ANKRD28: variants seen among roughly 807,000 people sequenced by gnomAD.
ANKRD28 encodes the protein ankyrin repeat domain 28.
Under a neutral mutation model 126.5 loss-of-function variants are expected in ANKRD28, and 44 were observed. The observed-to-expected ratio is 0.35, with a 90% CI of 0.27 to 0.45. The LOEUF is 0.45. Ranked by LOEUF, ANKRD28 falls within the 20% of genes least tolerant of loss-of-function variation. The pLI, the probability that ANKRD28 is intolerant of heterozygous loss-of-function variation, is 1.00. For synonymous variants in ANKRD28, 442 were observed against 468.5 expected (o/e 0.94, Z 0.73); for missense variants, 1,110 against 1,316.6 (o/e 0.84, Z 2.43).
chr3:15,855,292 T>G (rs1397741715), intron 1 of ANKRD28, among the ~76,000 whole-genome samples: 2 of 152,054 alleles, frequency 1.3e-5, no homozygotes, highest in Non-Finnish European at 2.9e-5. Context: ...GTTACTCACA[T>G]CCATCCAACA....
chr3:15,759,124 A>G (rs2058323604), intron 3 of ANKRD28, among the ~76,000 whole-genome samples: 1 of 152,208 alleles, frequency 6.6e-6, no homozygotes, highest in South Asian at 2.1e-4. Flanking sequence ...AAATTTTACT[A>G]AAAGCTAAAT....
intron 2 of ANKRD28, among the ~76,000 whole-genome samples, chr3:15,769,838 T>G (rs1278702118): frequency 6.6e-6 from 1 of 152,126 alleles, no homozygotes; most frequent in African/African-American, 2.4e-5. Context: ...TTGGAAACAC[T>G]AAGGCAAACA....
At chr3:15,727,486 G>C (rs945256713) in intron 6 of ANKRD28, among the ~76,000 whole-genome samples, 1 of 137,078 alleles carries the variant, frequency 7.3e-6, no homozygotes, top group Non-Finnish European at 1.5e-5. Context: ...AGAATCACTT[G>C]AACACAGGAG....
At chr3:15,850,349 T>C (rs1330675885) in intron 1 of ANKRD28, among the ~76,000 whole-genome samples, 1 of 151,660 alleles carries the variant, frequency 6.6e-6, no homozygotes, top group Non-Finnish European at 1.5e-5. Flanking sequence ...CTTTTCCTTA[T>C]ATTAGCTCCC....
At chr3:15,837,316 T>C (rs2061347004) in intron 1 of ANKRD28, among the ~76,000 whole-genome samples, 1 of 152,170 alleles carries the variant, frequency 6.6e-6, no homozygotes, top group Non-Finnish European at 1.5e-5. Context: ...CTGACATCTA[T>C]AGAAGACTCT....
At position 15,797,679 on chromosome 3, in the gene ANKRD28, C is replaced by T; in HGVS notation, c.-1158G>A. ...TCAGAGAAAAAAATAGCAGACTGTG[C>T]ATCTTCTTTGAGCCAACTACTTTAT... On this transcript the variant is annotated 5_prime_UTR_variant, in exon 1 of 28. It removes an upstream start codon present in the reference 5' UTR. Coordinates refer to ENST00000683139, the MANE Select transcript of ANKRD28 (RefSeq NM_001349278.2). The T allele has an allele frequency of 7.1e-6, 7 of 985,332 alleles. No individual in the cohort carries two copies. Among genetic ancestry groups the T allele is most frequent in the Non-Finnish European group, 8.4e-6 (7 of 829,920 alleles). 61.0% of individuals were successfully genotyped at this position (985,332 alleles called of 1,614,324 possible). A position where few individuals can be genotyped will look rare whatever the true frequency, so the allele number is the denominator to read the frequency against.
intron 27 of ANKRD28, among the ~76,000 whole-genome samples, chr3:15,674,940 G>T (rs2066778896): frequency 6.6e-6 from 1 of 152,042 alleles, no homozygotes; most frequent in Non-Finnish European, 1.5e-5. Context: ...TAGGGGTGAG[G>T]GGGAGAAGGC....
chr3:15,821,342 T>C (rs893757165), intron 1 of ANKRD28, among the ~76,000 whole-genome samples: 6 of 152,224 alleles, frequency 3.9e-5, no homozygotes, highest in Admixed American at 2.0e-4. Context: ...TTTTTCTCTA[T>C]GTTAACAGGA....
chr3:15,718,975 A>C (rs1009184404), intron 8 of ANKRD28, among the ~76,000 whole-genome samples: 2 of 152,222 alleles, frequency 1.3e-5, no homozygotes, highest in Admixed American at 1.3e-4. Flanking sequence ...AAAGTGCAGG[A>C]ATTCTTCAAA....
intron 9 of ANKRD28, 32 bp downstream of exon 9, chr3:15,714,546 A>C: frequency 6.6e-7 from 1 of 1,504,806 alleles, no homozygotes; most frequent in Non-Finnish European, 8.9e-7. Flanking sequence ...AAAAAAAAAA[A>C]ACCCCAAAAA....
intron 2 of ANKRD28, among the ~76,000 whole-genome samples, chr3:15,785,521 C>T (rs774067984): frequency 2.0e-5 from 3 of 152,068 alleles, no homozygotes; most frequent in Admixed American, 6.6e-5. Flanking sequence ...GACACCACTA[C>T]GCACCTATTA....
chr3:15,688,986 T>C (rs984504365), intron 18 of ANKRD28, among the ~76,000 whole-genome samples: 2 of 152,212 alleles, frequency 1.3e-5, no homozygotes, highest in Non-Finnish European at 2.9e-5. Flanking sequence ...AAATACTGCA[T>C]TGTTTTGTTG....
At chr3:15,710,749 A>C (rs1484427177) in intron 12 of ANKRD28, among the ~76,000 whole-genome samples, 3 of 152,092 alleles carry the variant, frequency 2.0e-5, no homozygotes, top group Non-Finnish European at 4.4e-5. Flanking sequence ...GTACTATTTA[A>C]AACTTAGTCC....
Position 15,797,204 on chromosome 3 carries a change from A to G in ANKRD28, c.-683T>C, listed in dbSNP as rs1325535567. ...AGTGTTTGGGAAAGGGGCAAAAAAC[A>G]AAAACAAAAAAAAAAAAACCACTCT... is the stretch of plus-strand genomic sequence containing the variant. On this transcript the variant is annotated 5_prime_UTR_variant, in exon 1 of 28. Transcript: ENST00000683139. 1.1e-6 allele frequency: 1 copy of G among 936,640 alleles called. No homozygotes were observed. The highest frequency in any genetic ancestry group is 1.2e-6 in the Non-Finnish European group (1 of 809,054). 58.0% of individuals were successfully genotyped at this position (936,640 alleles called of 1,614,324 possible).
chr3:15,772,762 C>T (rs1362798351), intron 2 of ANKRD28, among the ~76,000 whole-genome samples: 2 of 152,304 alleles, frequency 1.3e-5, no homozygotes, highest in East Asian at 3.9e-4. Flanking sequence ...TCTCGGCTCA[C>T]TGCAACCTCC....
At chr3:15,686,889 G>C (rs910007726) in intron 18 of ANKRD28, among the ~76,000 whole-genome samples, 13 of 151,462 alleles carry the variant, frequency 8.6e-5, no homozygotes, top group Admixed American at 6.6e-4. Flanking sequence ...ATTTAATCCA[G>C]AGCTCTGACA....
intron 1 of ANKRD28, among the ~76,000 whole-genome samples, chr3:15,825,249 A>G (rs988734199): frequency 1.3e-5 from 2 of 152,236 alleles, no homozygotes; most frequent in African/African-American, 4.8e-5. Flanking sequence ...CTGGGAGTAA[A>G]TTCATGGGCA....
At chr3:15,857,568 A>G (rs56405857) in intron 1 of ANKRD28, among the ~76,000 whole-genome samples, 74,749 of 152,168 alleles carry the variant, frequency 0.49, 20,309 homozygotes, top group Non-Finnish European at 0.6. Flanking sequence ...TACAGGCGTG[A>G]GCCACCGCGC....
rs182188182 is a variant in ANKRD28 at position 15,795,681 on chromosome 3, T to C, written c.118-375A>G. Among the ~76,000 whole-genome samples the C allele has an allele frequency of 1.7e-3, 254 of 152,238 alleles. 2 individuals are homozygous for C. The highest frequency in any genetic ancestry group is 2.3e-3 in the Non-Finnish European group (153 of 67,966). On this transcript the variant is annotated intron_variant, in intron 1 of 27. Coordinates refer to ENST00000683139, the MANE Select transcript of ANKRD28 (RefSeq NM_001349278.2). ...AACTTTTTAAGCAATTTCCAGCCCA[T>C]GAAGGAAGGCTTTTTTGAAAAGGTC... is the stretch of plus-strand genomic sequence containing the variant.
Sources: gnomAD v4.1 joint callset for allele counts (sites outside exome capture counted in the v4.1 genomes callset) on GRCh38, gnomAD v4.1.1 for gene constraint, MANE v1.5 for transcripts, NCBI Gene and HGNC (gene_info 2026-07-23, HGNC 2026-07-21) for gene names.